MAL: variants seen among roughly 807,000 people sequenced by gnomAD.
The protein encoded by MAL is mal, T cell differentiation protein (MAL blood group), also known as myelin and lymphocyte protein.
A neutral mutation model predicts 16.7 loss-of-function variants in MAL; 5 were observed. That is an observed-to-expected ratio of 0.30 (90% CI 0.16 to 0.63). The LOEUF (loss-of-function observed/expected upper bound fraction) is 0.63. Ranked by LOEUF, MAL falls within the 30% of genes least tolerant of loss-of-function variation. The pLI, the probability that MAL is intolerant of heterozygous loss-of-function variation, is 0.82. For synonymous variants in MAL, 96 were observed against 85.5 expected, an observed-to-expected ratio of 1.12 and a Z score of -0.67; for missense variants, 202 against 195.8, an observed-to-expected ratio of 1.03 and a Z score of -0.19.
rs1293471273 is a variant in MAL at position 95,049,613 on chromosome 2, T to C, written c.294T>C (p.Phe98=). 2 of 1,614,178 alleles carry C rather than the reference T, an allele frequency of 1.2e-6. No individual in the cohort carries two copies. The highest frequency in any genetic ancestry group is 2.2e-5 in the South Asian group (2 of 91,088). Reference sequence around the variant, plus strand: ...CCTACCACTGCACCGCTGCCCTCTTTTACCTCAGCGCCTCAGTCCTGGAGG... The same window carrying C: ...CCTACCACTGCACCGCTGCCCTCTTCTACCTCAGCGCCTCAGTCCTGGAGG... ...DAAYHCTAAL[F]YLSASVLEAL... The change falls in exon 3 of 4, where the codon TTT becomes TTC. Residue 98 remains phenylalanine, a synonymous_variant. Transcript: ENST00000309988.
At chr2:95,031,406 G>A (rs1020278383) in intron 1 of MAL, among the ~76,000 whole-genome samples, 28 of 152,210 alleles carry the variant, frequency 1.8e-4, no homozygotes, top group African/African-American at 6.8e-4. Flanking sequence ...ACACCCTGCA[G>A]GTTCTGAGTC....
intron 1 of MAL, among the ~76,000 whole-genome samples, chr2:95,045,604 C>T (rs529208559): frequency 9.8e-5 from 15 of 152,318 alleles, no homozygotes; most frequent in African/African-American, 3.1e-4. Flanking sequence ...ACTGTGTGAA[C>T]GAGGAAGCAA....
intron 1 of MAL, among the ~76,000 whole-genome samples, chr2:95,031,932 A>T (rs1451200251): frequency 1.3e-5 from 2 of 152,248 alleles, no homozygotes. Context: ...GTGAGGACTC[A>T]GTAACTTTGA....
chr2:95,048,956 A>G (rs538861105), intron 2 of MAL, among the ~76,000 whole-genome samples: 2 of 152,254 alleles, frequency 1.3e-5, no homozygotes, highest in East Asian at 3.9e-4. Flanking sequence ...AGCTGGGACT[A>G]CAGGCATGTG....
intron 1 of MAL, among the ~76,000 whole-genome samples, chr2:95,038,655 ACT>A (rs1674332288): frequency 1.3e-5 from 2 of 149,654 alleles, no homozygotes; most frequent in African/African-American, 2.5e-5. Context: ...TGAGTGAGTG[ACT>A]GTGTGACTGA....
At chr2:95,026,156 G>T (rs1246601393) in intron 1 of MAL, among the ~76,000 whole-genome samples, 1 of 151,946 alleles carries the variant, frequency 6.6e-6, no homozygotes, top group East Asian at 1.9e-4. Flanking sequence ...CAGCGGGGCA[G>T]GGGGGGACGG....
intron 1 of MAL, among the ~76,000 whole-genome samples, chr2:95,029,183 G>A (rs1674019249): frequency 6.6e-6 from 1 of 152,196 alleles, no homozygotes; most frequent in African/African-American, 2.4e-5. Flanking sequence ...CTTGTTTGCT[G>A]TTATGTATTA....
chr2:95,033,225 C>T (rs1379550912), intron 1 of MAL, among the ~76,000 whole-genome samples: 1 of 152,198 alleles, frequency 6.6e-6, no homozygotes, highest in Non-Finnish European at 1.5e-5. Flanking sequence ...GTTCCCTGAC[C>T]TGTCAGTGGA....
chr2:95,038,856 CTGAGTGAGTGACTGAGTGGG>C (rs1283058182), intron 1 of MAL, among the ~76,000 whole-genome samples: 2 of 8,014 alleles, frequency 2.5e-4, no homozygotes, highest in African/African-American at 1.1e-3. Context: ...GACCGAGTGA[CTGAGTGAGTGACTGAGTGGG>C]TGAGTGAGTG....
At chr2:95,047,361 G>A (rs1201984045) in intron 1 of MAL, among the ~76,000 whole-genome samples, 1 of 152,184 alleles carries the variant, frequency 6.6e-6, no homozygotes, top group Non-Finnish European at 1.5e-5. Flanking sequence ...AAAGTGCTTA[G>A]GATAGTGCCT....
chr2:95,048,023 G>C lies in MAL; in HGVS notation c.158G>C (p.Gly53Ala). The stretch of plus-strand genomic sequence containing the variant: ...CTGGTGCCCTGGCCCCTGGTCCAGG[G>C]CTGGGTGATGTTCGTGTCTGTGTTC... ...SSLVPWPLVQ[G>A]WVMFVSVFCF... Residue 53 changes from glycine to alanine, a missense_variant, in exon 2 of 4, where the codon GGC (glycine) becomes GCC (alanine). Transcript: ENST00000309988. 1.2e-6 allele frequency: 2 copies of C among 1,614,002 alleles called. No homozygotes were observed. The highest frequency in any genetic ancestry group is 1.7e-6 in the Non-Finnish European group (2 of 1,179,950).
chr2:95,037,552 G>GTGAGTGACTGAGTGAGTGAGTGAC (rs1674265562), intron 1 of MAL, among the ~76,000 whole-genome samples: 1 of 151,382 alleles, frequency 6.6e-6, no homozygotes, highest in Non-Finnish European at 1.5e-5. Flanking sequence ...GAGTGAGTGA[G>GTGAGTGACTGAGTGAGTGAGTGAC]TGAGTGACTG....
Position 95,053,668 on chromosome 2 carries a change from G to T in MAL, c.*213G>T, listed in dbSNP as rs1674771219. On this transcript the variant is annotated 3_prime_UTR_variant, in exon 4 of 4. Coordinates refer to ENST00000309988, the MANE Select transcript of MAL (RefSeq NM_002371.4). ...TTCGCGTCCGGGTTGGGAGCTTGCT[G>T]TGTCTAACCTCCAACTGCTGTGCTG... is the stretch of plus-strand genomic sequence containing the variant. 1 of 575,502 alleles carries T rather than the reference G, an allele frequency of 1.7e-6. No homozygotes were observed. The highest frequency in any genetic ancestry group is 3.1e-6 in the Non-Finnish European group (1 of 323,646). 35.6% of individuals were successfully genotyped at this position (575,502 alleles called of 1,614,324 possible).
chr2:95,048,859 C>G (rs1174919874), intron 2 of MAL, among the ~76,000 whole-genome samples: 1 of 152,160 alleles, frequency 6.6e-6, no homozygotes, highest in Non-Finnish European at 1.5e-5. Context: ...TTCTGTCACC[C>G]AGGCTGGAGT....
intron 1 of MAL, among the ~76,000 whole-genome samples, chr2:95,031,359 G>T (rs1674073481): frequency 6.6e-6 from 1 of 152,168 alleles, no homozygotes; most frequent in African/African-American, 2.4e-5. Context: ...GGACCACTGG[G>T]AAGCTCACAC....
chr2:95,031,616 C>T (rs75667162), intron 1 of MAL, among the ~76,000 whole-genome samples: 1 of 152,188 alleles, frequency 6.6e-6, no homozygotes, highest in Non-Finnish European at 1.5e-5. Context: ...GACCAGGGAC[C>T]TCCTCTGTTC....
intron 1 of MAL, among the ~76,000 whole-genome samples, chr2:95,045,797 T>TC (rs1674572984): frequency 6.6e-6 from 1 of 152,192 alleles, no homozygotes; most frequent in African/African-American, 2.4e-5. Flanking sequence ...TGTGCTCCTG[T>TC]CCCTCCGTCA....
intron 2 of MAL, among the ~76,000 whole-genome samples, chr2:95,048,724 G>C (rs1472088108): frequency 6.6e-6 from 1 of 152,236 alleles, no homozygotes; most frequent in Non-Finnish European, 1.5e-5. Flanking sequence ...TTTGGCCAAG[G>C]CTGTCACTCT....
chr2:95,046,902 GAGAGAGAAAGAGAGAGAAAGAA>G (rs1674599058), intron 1 of MAL, among the ~76,000 whole-genome samples: 1 of 150,242 alleles, frequency 6.7e-6, no homozygotes, highest in Non-Finnish European at 1.5e-5. Context: ...AAGAAAGAGA[GAGAGAGAAAGAGAGAGAAAGAA>G]AGAGAGAAAG....
Sources: allele counts gnomAD v4.1 joint callset (sites outside exome capture counted in the v4.1 genomes callset), GRCh38; gene constraint gnomAD v4.1.1; transcripts MANE v1.5; gene names NCBI Gene and HGNC (gene_info 2026-07-23, HGNC 2026-07-21).